The following ICA1L variants were observed in gnomAD, a reference collection of about 807,000 sequenced individuals.
The protein encoded by ICA1L is islet cell autoantigen 1-like protein.
ICA1L carries 50 observed loss-of-function variants against 61.3 expected under a neutral mutation model. The ratio of observed to expected loss-of-function variants is 0.82; its 90% CI spans 0.65 to 1.03. The LOEUF is 1.03. Ranked by LOEUF, ICA1L falls within the 50% of genes least tolerant of loss-of-function variation. ICA1L has a pLI of 0.00. For synonymous variants in ICA1L, 161 were observed against 191.3 expected, an observed-to-expected ratio of 0.84 and a Z score of 1.31; for missense variants, 508 against 556.7, an observed-to-expected ratio of 0.91 and a Z score of 0.88.
chr2:202,786,752 ATT>A (rs57934594), intron 11 of ICA1L: 38,531 of 422,698 alleles, frequency 0.091, 1,309 homozygotes, highest in Non-Finnish European at 0.12. Context: ...TACATGCATG[ATT>A]TTTTTTTTTT....
chr2:202,814,826 T>C (rs749860534), intron 7 of ICA1L, 42 bp from the exon 8 acceptor site: 1 of 1,276,750 alleles, frequency 7.8e-7, no homozygotes, highest in South Asian at 1.3e-5. Context: ...AGAATGAATC[T>C]GTTTCTTCTT....
intron 1 of ICA1L, among the ~76,000 whole-genome samples, chr2:202,835,712 AT>A (rs918858846): frequency 2.2e-4 from 32 of 148,364 alleles, no homozygotes; most frequent in Non-Finnish European, 2.8e-4. Context: ...CACCTGGCTA[AT>A]TTTTTTTTTA....
At chr2:202,819,959 G>A in intron 4 of ICA1L, 60 bp from the exon 5 acceptor site, 4 of 1,249,548 alleles carry the variant, frequency 3.2e-6, no homozygotes, top group Non-Finnish European at 4.6e-6. Context: ...ACAAAACAAA[G>A]GTTTAAACCA....
intron 3 of ICA1L, 170 bp from the exon 4 acceptor site, chr2:202,821,651 C>G: frequency 2.1e-6 from 1 of 479,958 alleles, no homozygotes; most frequent in Admixed American, 4.0e-5. Flanking sequence ...TCCAGAGACT[C>G]TACTTTCCAT....
chr2:202,838,163 T>C (rs1694207170), intron 1 of ICA1L, among the ~76,000 whole-genome samples: 1 of 152,220 alleles, frequency 6.6e-6, no homozygotes, highest in African/African-American at 2.4e-5. Flanking sequence ...GTTTTAAGAT[T>C]TTTAAAATTT....
chr2:202,814,835 T>C (rs1559136132), intron 7 of ICA1L, 51 bp from the exon 8 acceptor site: 4 of 1,198,830 alleles, frequency 3.3e-6, no homozygotes, highest in Non-Finnish European at 4.9e-6. Context: ...CTGTTTCTTC[T>C]TCTCTGCAAA....
chr2:202,806,166 G>A (rs1435706478), intron 9 of ICA1L, among the ~76,000 whole-genome samples: 1 of 152,128 alleles, frequency 6.6e-6, no homozygotes, highest in Non-Finnish European at 1.5e-5. Flanking sequence ...CCCAGGCAGT[G>A]CAGCTTACAG....
At chr2:202,856,075 GAAA>G (rs35022962) in intron 1 of ICA1L, among the ~76,000 whole-genome samples, 18 of 127,486 alleles carry the variant, frequency 1.4e-4, no homozygotes, top group East Asian at 6.8e-4. Context: ...TCCGTCTCAA[GAAA>G]AAAAAAAAAA....
In ICA1L at chr2:202,773,373, C is replaced by A. The variant is rs1431936109; in HGVS notation, c.*6160G>T. ...TTCAGTCATCCCTAACATGTGACTA[C>A]CAAAGACCTTGAAGCTAAACAAACA... On this transcript the variant is annotated 3_prime_UTR_variant, in exon 13 of 13. Coordinates refer to ENST00000358299, the MANE Select transcript of ICA1L (RefSeq NM_001288622.3). 1 of 163,518 alleles carries A rather than the reference C, an allele frequency of 6.1e-6. No individual in the cohort carries two copies. The highest frequency in any genetic ancestry group is 2.4e-5 in the African/African-American group (1 of 41,596). The allele number at this position is 163,518 out of a possible 1,614,324, so 10.1% of individuals were successfully genotyped here.
At chr2:202,807,372 A>G (rs1693256191) in intron 9 of ICA1L, among the ~76,000 whole-genome samples, 1 of 152,196 alleles carries the variant, frequency 6.6e-6, no homozygotes, top group African/African-American at 2.4e-5. Flanking sequence ...CACAGCTGAA[A>G]GCAACATGGG....
At chr2:202,836,996 C>A (rs944124961) in intron 1 of ICA1L, among the ~76,000 whole-genome samples, 4 of 151,840 alleles carry the variant, frequency 2.6e-5, no homozygotes, top group Non-Finnish European at 5.9e-5. Flanking sequence ...TGTGTGCCAC[C>A]AAGCCCAGGT....
rs138915546 is a variant in ICA1L at position 202,816,002 on chromosome 2, A to G, written c.692T>C (p.Leu231Pro). 9.4e-6 allele frequency: 15 copies of G among 1,595,344 alleles called. No homozygotes were observed. The highest frequency in any genetic ancestry group is 1.2e-5 in the Non-Finnish European group (14 of 1,172,812). The change falls in exon 7 of 13, where the codon CTG becomes CCG. Residue 231 changes from leucine to proline, a missense_variant. Coordinates refer to ENST00000358299, the MANE Select transcript of ICA1L (RefSeq NM_001288622.3). Reference protein sequence around the residue: ...SHSLTTYQRTLLGFWKKTARM... With the variant: ...SHSLTTYQRTPLGFWKKTARM... ...AGCTGTTTTCTTCCAGAATCCAAGCAGTGTTCTCTGCAAAAAAAGAAAAGG... is the reference window on the plus strand; with the variant it reads ...AGCTGTTTTCTTCCAGAATCCAAGCGGTGTTCTCTGCAAAAAAAGAAAAGG...
chr2:202,855,087 T>A (rs1393519986), intron 1 of ICA1L, among the ~76,000 whole-genome samples: 2 of 152,136 alleles, frequency 1.3e-5, no homozygotes, highest in Non-Finnish European at 2.9e-5. Context: ...ATAAAGAAGT[T>A]CTTTGAAACC....
In ICA1L at chr2:202,779,640, T is replaced by A. The variant is rs1559123903; in HGVS notation, c.1342A>T (p.Asn448Tyr). ...CAGGCTGACATGTCTTGGTTGCCAT[T>A]GTTGGGGGCTATTAAAAAAGAAAAA... ...SPKKLTRSPNNGNQDMSAWFN... is the reference protein window; with the variant it reads ...SPKKLTRSPNYGNQDMSAWFN... Residue 448 changes from asparagine (N) to tyrosine (Y), a missense_variant, in exon 13 of 13, where the codon AAT becomes TAT. Physicochemically the swap from Asn to Tyr is moderately radical, Grantham distance 143. Coordinates refer to ENST00000358299, the MANE Select transcript of ICA1L (RefSeq NM_001288622.3). 6.3e-7 allele frequency: 1 copy of A among 1,598,060 alleles called. No individual in the cohort carries two copies.
rs761921379 is a variant in ICA1L at position 202,788,996 on chromosome 2, T to C, written c.1077A>G (p.Ser359=). 9.9e-6 allele frequency: 16 copies of C among 1,613,908 alleles called. No individual in the cohort carries two copies. Among genetic ancestry groups the C allele is most frequent in the Non-Finnish European group, 1.4e-5 (16 of 1,179,900 alleles). Residue 359 remains serine, a synonymous_variant, in exon 11 of 13, where the codon TCA becomes TCG. Coordinates refer to ENST00000358299, the MANE Select transcript of ICA1L (RefSeq NM_001288622.3). ...FLNNLLSSGS[S]STSEFTQECQ... ...ATTCTTGGGTAAATTCACTAGTACT[T>C]GAAGAACCAGAACTTAGGAGGTTGT...
chr2:202,842,136 T>C (rs930795919), intron 1 of ICA1L, among the ~76,000 whole-genome samples: 5 of 152,202 alleles, frequency 3.3e-5, no homozygotes, highest in Non-Finnish European at 7.3e-5. Flanking sequence ...ATTACAGGCA[T>C]GGGCCACCGC....
chr2:202,868,388 A>G (rs937332584), intron 1 of ICA1L, among the ~76,000 whole-genome samples: 1 of 152,228 alleles, frequency 6.6e-6, no homozygotes, highest in Non-Finnish European at 1.5e-5. Context: ...ATTAGATAGT[A>G]TAACCATTTT....
intron 1 of ICA1L, among the ~76,000 whole-genome samples, chr2:202,869,968 T>A (rs1337333657): frequency 6.6e-6 from 1 of 152,142 alleles, no homozygotes; most frequent in African/African-American, 2.4e-5. Context: ...CAAAATCTAC[T>A]TCGAACGAGG....
chr2:202,864,600 T>C (rs1687426910), intron 1 of ICA1L, among the ~76,000 whole-genome samples: 1 of 151,836 alleles, frequency 6.6e-6, no homozygotes, highest in Non-Finnish European at 1.5e-5. Context: ...TGTGTGTATG[T>C]ATGTATATGT....
Sources: allele counts gnomAD v4.1 joint callset (sites outside exome capture counted in the v4.1 genomes callset), GRCh38; gene constraint gnomAD v4.1.1; transcripts MANE v1.5; gene names NCBI Gene and HGNC (gene_info 2026-07-23, HGNC 2026-07-21).